LOC400499: variants seen among roughly 807,000 people sequenced by gnomAD.
At chr16:11,435,896 G>A in the LOC400499 span, 1 of 399,174 alleles carries the variant, frequency 2.5e-6, no homozygotes, top group African/African-American at 2.1e-5. Context: ...GGAGGCAGGG[G>A]AGGGACAGGA....
the LOC400499 span, among the ~76,000 whole-genome samples, chr16:11,515,278 T>C: frequency 6.6e-6 from 1 of 151,676 alleles, no homozygotes; most frequent in East Asian, 1.9e-4. Context: ...AGACACCATC[T>C]CTACTAAAAA....
the LOC400499 span, among the ~76,000 whole-genome samples, chr16:11,476,418 C>T: frequency 2.6e-5 from 4 of 152,048 alleles, no homozygotes; most frequent in Non-Finnish European, 5.9e-5. Context: ...CGGTCCCTGT[C>T]AGACACGCCC....
the LOC400499 span, chr16:11,390,132 A>T: frequency 8.1e-7 from 1 of 1,232,296 alleles, no homozygotes; most frequent in Non-Finnish European, 1.0e-6. Context: ...CAGGTCCAGC[A>T]GTGGTTTGCA....
At chr16:11,515,095 C>T in the LOC400499 span, among the ~76,000 whole-genome samples, 2 of 152,042 alleles carry the variant, frequency 1.3e-5, no homozygotes, top group Non-Finnish European at 2.9e-5. Flanking sequence ...CGCTTGAGCT[C>T]AGAAGTTCAA....
the LOC400499 span, chr16:11,462,079 C>T: frequency 7.0e-7 from 1 of 1,423,432 alleles, no homozygotes; most frequent in African/African-American, 1.4e-5. Context: ...CTAACCTGGC[C>T]ACAGAGCAGA....
chr16:11,522,643 T>A, the LOC400499 span, among the ~76,000 whole-genome samples: 1 of 152,180 alleles, frequency 6.6e-6, no homozygotes, highest in African/African-American at 2.4e-5. Flanking sequence ...TTTTTCTCCA[T>A]TTTACAGAGG....
chr16:11,490,215 G>A, the LOC400499 span, among the ~76,000 whole-genome samples: 10 of 151,934 alleles, frequency 6.6e-5, no homozygotes, highest in African/African-American at 2.4e-4. Flanking sequence ...GGCCCACATG[G>A]CAAAACCATC....
chr16:11,432,312 C>T, the LOC400499 span, among the ~76,000 whole-genome samples: 1 of 152,220 alleles, frequency 6.6e-6, no homozygotes, highest in Non-Finnish European at 1.5e-5. Flanking sequence ...GTTCTTTAAT[C>T]TCTATGCTTT....
chr16:11,463,144 C>T, the LOC400499 span, among the ~76,000 whole-genome samples: 4 of 152,182 alleles, frequency 2.6e-5, no homozygotes, highest in East Asian at 1.9e-4. Flanking sequence ...AGATGGGCCA[C>T]GGGGACAGCT....
chr16:11,462,043 T>C, the LOC400499 span: 1 of 1,305,270 alleles, frequency 7.7e-7, no homozygotes, highest in Non-Finnish European at 1.0e-6. Context: ...ATGAGGACCA[T>C]AAGGAGGCAC....
chr16:11,454,934 G>T, the LOC400499 span, among the ~76,000 whole-genome samples: 48,132 of 151,988 alleles, frequency 0.32, 8,098 homozygotes, highest in Admixed American at 0.45. Flanking sequence ...GCAACTGGTC[G>T]TCTTTGGAGC....
At chr16:11,417,670 G>A in the LOC400499 span, 1 of 399,202 alleles carries the variant, frequency 2.5e-6, no homozygotes, top group South Asian at 1.3e-4. Context: ...GGCCTCGCCT[G>A]GGAACCCTGC....
the LOC400499 span, among the ~76,000 whole-genome samples, chr16:11,463,124 A>G: frequency 6.6e-6 from 1 of 152,202 alleles, no homozygotes; most frequent in African/African-American, 2.4e-5. Context: ...GGCCATGGGA[A>G]GACACTGGCA....
At chr16:11,421,783 G>C in the LOC400499 span, among the ~76,000 whole-genome samples, 4 of 152,318 alleles carry the variant, frequency 2.6e-5, no homozygotes, top group African/African-American at 4.8e-5. Context: ...GGAGGGGATG[G>C]GAGGGACTAC....
At chr16:11,375,839 C>G in the LOC400499 span, among the ~76,000 whole-genome samples, 1 of 150,676 alleles carries the variant, frequency 6.6e-6, no homozygotes, top group Non-Finnish European at 1.5e-5. Flanking sequence ...AAGCAATTCT[C>G]CTGCCTCAGC....
chr16:11,516,147 C>A, the LOC400499 span: 5 of 399,764 alleles, frequency 1.3e-5, no homozygotes, highest in African/African-American at 6.2e-5. Context: ...CTCACCTCAT[C>A]AAAGGTCTTG....
At chr16:11,409,608 T>C in the LOC400499 span, among the ~76,000 whole-genome samples, 2 of 152,188 alleles carry the variant, frequency 1.3e-5, no homozygotes, top group African/African-American at 4.8e-5. Context: ...TTGGCCTGCA[T>C]CCCGGATTTA....
chr16:11,404,489 G>A, the LOC400499 span, among the ~76,000 whole-genome samples: 1 of 152,286 alleles, frequency 6.6e-6, no homozygotes, highest in East Asian at 1.9e-4. Flanking sequence ...TGAGATTGTA[G>A]GTGCCTGCCA....
the LOC400499 span, among the ~76,000 whole-genome samples, chr16:11,480,119 G>T: frequency 6.6e-6 from 1 of 152,150 alleles, no homozygotes; most frequent in African/African-American, 2.4e-5. Flanking sequence ...GTCCGCCACA[G>T]TCCCCACCAC....
Sources: gnomAD v4.1 joint callset for allele counts (sites outside exome capture counted in the v4.1 genomes callset) on GRCh38, gnomAD v4.1.1 for gene constraint, MANE v1.5 for transcripts.